Variants in FECH observed in about 807,000 individuals in gnomAD.
The protein encoded by FECH is ferrochelatase.
FECH carries 40 observed loss-of-function variants against 56.9 expected under a neutral mutation model. The observed-to-expected ratio is 0.70, with a 90% CI of 0.55 to 0.92. FECH has a LOEUF of 0.92. FECH is among the 40% of genes least tolerant of loss of function. The probability of loss-of-function intolerance (pLI) is 0.00; values close to 1 mark genes in which losing one functional copy is unlikely to be tolerated. For missense variants in FECH, 431 were observed against 529.1 expected (o/e 0.81, Z 1.82); for synonymous variants, 175 against 198.6 (o/e 0.88, Z 1.00).
In FECH at chr18:57,544,576, T is replaced by A. The variant is rs2050697103; in HGVS notation, c.*6136A>T. Among the ~76,000 whole-genome samples the A allele has an allele frequency of 6.6e-6, 1 of 152,248 alleles. No individual in the cohort carries two copies. The highest frequency in any genetic ancestry group is 1.5e-5 in the Non-Finnish European group (1 of 68,044). ...TATGGTTGCAATTGATCAACAAGTA[T>A]AGTTCACACATATCGACATTTTGTT... is the stretch of plus-strand genomic sequence containing the variant. On this transcript the variant is annotated 3_prime_UTR_variant, in exon 11 of 11. Transcript: ENST00000262093.
chr18:57,570,871 C>G (rs534730206), intron 4 of FECH, among the ~76,000 whole-genome samples: 1 of 152,212 alleles, frequency 6.6e-6, no homozygotes, highest in Non-Finnish European at 1.5e-5. Context: ...TTTGGTGCCA[C>G]GTCCAACAAG....
chr18:57,563,252 T>C (rs541576237), intron 5 of FECH, among the ~76,000 whole-genome samples: 2 of 152,164 alleles, frequency 1.3e-5, no homozygotes, highest in Admixed American at 6.5e-5. Flanking sequence ...TTATGAAATA[T>C]AAGCAGTCAT....
In FECH at chr18:57,549,294, TTTTGA is replaced by T. The variant is rs1271034097; in HGVS notation, c.*1413_*1417del. 1 of 152,184 alleles carries T rather than the reference TTTTGA, an allele frequency of 6.6e-6. No individual in the cohort carries two copies. Among genetic ancestry groups the T allele is most frequent in the East Asian group, 1.9e-4 (1 of 5,204 alleles). The allele number at this position is 152,184 out of a possible 1,614,324, so 9.4% of individuals were successfully genotyped here. The stretch of plus-strand genomic sequence containing the variant: ...ATTTAATAATTCTGATTTAGATCAG[TTTTGA>T]TTTAACAGACAGCATGAATCAAACT... On this transcript the variant is annotated 3_prime_UTR_variant, in exon 11 of 11. Transcript: ENST00000262093.
Position 57,565,266 on chromosome 18 carries a change from T to C in FECH, c.598+1181A>G, listed in dbSNP as rs116286104. 7.0e-3 allele frequency among the ~76,000 whole-genome samples: 1,064 copies of C among 152,310 alleles called. 6 individuals are homozygous for C. The highest frequency in any genetic ancestry group is 0.023 in the African/African-American group (956 of 41,560). On this transcript the variant is annotated intron_variant, in intron 5 of 10. Transcript: ENST00000262093. ...AAATCTGACTCCTTCTCCAGTAACA[T>C]ATGACCAGACATTTTGAAGTTGTAG...
chr18:57,551,485 CAA>C (rs1198993762), intron 9 of FECH, 111 bp from the exon 10 acceptor site: 5 of 819,122 alleles, frequency 6.1e-6, no homozygotes, highest in Non-Finnish European at 1.0e-5. Flanking sequence ...ACACACAATT[CAA>C]AGTCTGACTT....
At chr18:57,580,330 T>C in intron 1 of FECH, 131 bp from the exon 2 acceptor site, 3 of 1,273,472 alleles carry the variant, frequency 2.4e-6, no homozygotes, top group Non-Finnish European at 1.1e-6. Flanking sequence ...TCCTAGCATT[T>C]CTCTGCAGGC....
intron 4 of FECH, among the ~76,000 whole-genome samples, chr18:57,568,920 A>G (rs544361042): frequency 2.6e-5 from 4 of 152,316 alleles, no homozygotes; most frequent in Non-Finnish European, 5.9e-5. Context: ...AATGCCTCTC[A>G]GGATTATCGC....
rs914337988 is a variant in FECH at position 57,545,069 on chromosome 18, G to A, written c.*5643C>T. ...TATTCTTTCTTAACATGACAGGAAA[G>A]TAAAGCTTTGACCCGCAGGGGAGAC... On this transcript the variant is annotated 3_prime_UTR_variant, in exon 11 of 11. Coordinates refer to ENST00000262093, the MANE Select transcript of FECH (RefSeq NM_000140.5). Among the ~76,000 whole-genome samples, 2 of 152,136 alleles carry A rather than the reference G, an allele frequency of 1.3e-5. No homozygotes were observed. The highest frequency in any genetic ancestry group is 6.5e-5 in the Admixed American group (1 of 15,278).
rs949395038 is a variant in FECH at position 57,548,042 on chromosome 18, G to C, written c.*2670C>G. Among the ~76,000 whole-genome samples the C allele has an allele frequency of 2.0e-5, 3 of 151,984 alleles. No individual in the cohort carries two copies. The highest frequency in any genetic ancestry group is 4.4e-5 in the Non-Finnish European group (3 of 68,000). On this transcript the variant is annotated 3_prime_UTR_variant, in exon 11 of 11. Coordinates refer to ENST00000262093, the MANE Select transcript of FECH (RefSeq NM_000140.5). ...GAGGCAGGAGAATCCCTTGAGCCCA[G>C]GAGTTCAAGACCAGCCTGGACAACA... is the stretch of plus-strand genomic sequence containing the variant.
intron 4 of FECH, 79 bp downstream of exon 4, chr18:57,571,313 A>C (rs1361187978): frequency 6.9e-7 from 1 of 1,449,032 alleles, no homozygotes; most frequent in Non-Finnish European, 9.6e-7. Context: ...TGAAGCATTT[A>C]GCATCTACTA....
At chr18:57,554,571 A>G in intron 8 of FECH, 147 bp from the exon 9 acceptor site, 3 of 902,286 alleles carry the variant, frequency 3.3e-6, no homozygotes, top group South Asian at 2.7e-5. Context: ...ATATTTTCAC[A>G]TGGAAACTTG....
At chr18:57,554,760 A>T in intron 8 of FECH, 85 bp downstream of exon 8, 1 of 1,145,064 alleles carries the variant, frequency 8.7e-7, no homozygotes, top group Non-Finnish European at 1.3e-6. Flanking sequence ...GACCATGTGT[A>T]AGAGCCAAAT....
intron 2 of FECH, among the ~76,000 whole-genome samples, chr18:57,577,437 A>G (rs987849388): frequency 6.6e-6 from 1 of 152,208 alleles, no homozygotes; most frequent in Non-Finnish European, 1.5e-5. Flanking sequence ...CCCCTGGCCT[A>G]GTGTAGTGTC....
At position 57,580,072 on chromosome 18, in the gene FECH, C is replaced by A. The variant is rs369266631; in HGVS notation, c.194+1G>T. 2 of 1,614,030 alleles carry A rather than the reference C, an allele frequency of 1.2e-6. No individual in the cohort carries two copies. The highest frequency in any genetic ancestry group is 1.7e-6 in the Non-Finnish European group (2 of 1,180,050). On this transcript the variant is annotated splice_donor_variant, in intron 2 of 10. Transcript: ENST00000262093. LOFTEE classifies it high-confidence loss of function. ...ATTTGTACCTGATGTTAGACTCATA[C>A]CTCTTCTGCGGTTGAACTTGAGGTT... is the stretch of plus-strand genomic sequence containing the variant.
At chr18:57,558,503 A>AC (rs759048119) in intron 7 of FECH, among the ~76,000 whole-genome samples, 10 of 151,974 alleles carry the variant, frequency 6.6e-5, no homozygotes, top group Non-Finnish European at 1.3e-4. Flanking sequence ...CTGAATGGAG[A>AC]CCCCCCCACT....
At chr18:57,552,495 G>A (rs1421867114) in intron 9 of FECH, among the ~76,000 whole-genome samples, 3 of 151,980 alleles carry the variant, frequency 2.0e-5, no homozygotes, top group Non-Finnish European at 4.4e-5. Context: ...CCACCTCCCA[G>A]ATTCAAGTGA....
chr18:57,550,859 C>A lies in FECH; in HGVS notation c.1138-13G>T, dbSNP rs760250060. 6.2e-7 allele frequency: 1 copy of A among 1,613,210 alleles called. No individual in the cohort carries two copies. The highest frequency in any genetic ancestry group is 1.1e-5 in the South Asian group (1 of 91,024). ...AGTCGGCCAGGGCCTGGAAGATAGA[C>A]AAGAGGCAAAGACGCATGAGAAGCA... On this transcript the variant is annotated splice_polypyrimidine_tract_variant and intron_variant, in intron 10 of 10. Coordinates refer to ENST00000262093, the MANE Select transcript of FECH (RefSeq NM_000140.5).
chr18:57,575,322 C>A (rs1355457964), intron 2 of FECH, among the ~76,000 whole-genome samples: 1 of 152,212 alleles, frequency 6.6e-6, no homozygotes, highest in African/African-American at 2.4e-5. Context: ...CTTCCTGAAT[C>A]TCCTACACCA....
At chr18:57,582,682 G>A (rs1379991997) in intron 1 of FECH, among the ~76,000 whole-genome samples, 2 of 151,730 alleles carry the variant, frequency 1.3e-5, no homozygotes, top group Admixed American at 1.3e-4. Context: ...GGGAGGCCGA[G>A]GCGGGTGGAT....
Sources: allele counts gnomAD v4.1 joint callset (sites outside exome capture counted in the v4.1 genomes callset), GRCh38; gene constraint gnomAD v4.1.1; transcripts MANE v1.5; gene names NCBI Gene and HGNC (gene_info 2026-07-23, HGNC 2026-07-21).